Variants in AGXT2 observed in about 807,000 individuals in gnomAD.
AGXT2 encodes the protein alanine--glyoxylate aminotransferase 2, mitochondrial.
A neutral mutation model predicts 62.5 loss-of-function variants in AGXT2; 61 were observed. The ratio of observed to expected loss-of-function variants is 0.98; its 90% confidence interval spans 0.79 to 1.21. AGXT2 has a LOEUF of 1.21. AGXT2 is among the 50% of genes most tolerant of loss of function. The pLI, the probability that AGXT2 is intolerant of heterozygous loss-of-function variation, is 0.00. For missense variants in AGXT2, 666 were observed against 641.5 expected, an observed-to-expected ratio of 1.04 and a Z score of -0.41; for synonymous variants, 243 against 218.7, an observed-to-expected ratio of 1.11 and a Z score of -0.98.
chr5:35,003,919 T>C, intron 12 of AGXT2, 58 bp from the exon 13 acceptor site: 1 of 1,549,574 alleles, frequency 6.5e-7, no homozygotes, highest in Non-Finnish European at 8.9e-7. Context: ...AAAGGAATTA[T>C]TTGCAAGAGA....
intron 9 of AGXT2, among the ~76,000 whole-genome samples, chr5:35,020,460 C>G (rs1767025844): frequency 6.6e-6 from 1 of 151,996 alleles, no homozygotes. Context: ...TAAGCAGAAC[C>G]AAAGACAAAA....
At chr5:35,015,043 A>G (rs373247833) in intron 9 of AGXT2, among the ~76,000 whole-genome samples, 31 of 152,156 alleles carry the variant, frequency 2.0e-4, no homozygotes, top group African/African-American at 7.5e-4. Flanking sequence ...TTTTTTGTGC[A>G]TGCTGTTCGC....
rs372255264 is a variant in AGXT2, at chr5:35,011,040, G to A, written c.1189-891C>T. On this transcript the variant is annotated intron_variant, in intron 11 of 13. Coordinates refer to ENST00000231420, the MANE Select transcript of AGXT2 (RefSeq NM_031900.4). ...ACCTGTGGTTCTTGACAAGATACAT[G>A]AAATATACTATATTTTTATTTAGCT... Among the ~76,000 whole-genome samples the A allele has an allele frequency of 7.9e-5, 12 of 152,166 alleles. 1 individual carries two copies. In the East Asian group the frequency reaches 1.9e-3, roughly 24 times the overall value.
intron 13 of AGXT2, among the ~76,000 whole-genome samples, chr5:35,000,515 G>T (rs777584092): frequency 6.6e-6 from 1 of 152,054 alleles, no homozygotes; most frequent in Non-Finnish European, 1.5e-5. Context: ...TGAGTAGCAG[G>T]GATTACAGGT....
chr5:35,037,088 T>C (rs1767803863), intron 3 of AGXT2, 23 bp from the exon 4 acceptor site: 8 of 1,613,364 alleles, frequency 5.0e-6, no homozygotes, highest in African/African-American at 1.3e-5. Context: ...TACAGCAGAG[T>C]TACCTGCACT....
At chr5:35,047,605 C>G (rs1768293089) in intron 1 of AGXT2, among the ~76,000 whole-genome samples, 200 bp downstream of exon 1, 1 of 146,522 alleles carries the variant, frequency 6.8e-6, no homozygotes, top group South Asian at 2.3e-4. Context: ...CATTTCAAAA[C>G]AAAAAGGAGC....
At chr5:35,039,702 T>C (rs186679355) in intron 2 of AGXT2, among the ~76,000 whole-genome samples, 194 bp from the exon 3 acceptor site, 1 of 152,342 alleles carries the variant, frequency 6.6e-6, no homozygotes. Context: ...AGGTGAATTA[T>C]TATTTGTAGC....
chr5:35,012,688 T>C (rs1766689969), intron 11 of AGXT2: 1 of 454,396 alleles, frequency 2.2e-6, no homozygotes, highest in Admixed American at 3.5e-5. Flanking sequence ...AACAAAGAAA[T>C]TTCAGCTGGC....
chr5:35,025,751 C>T lies in AGXT2; in HGVS notation c.963+12G>A, dbSNP rs536847411. On this transcript the variant is annotated intron_variant, in intron 9 of 13. Coordinates refer to ENST00000231420, the MANE Select transcript of AGXT2 (RefSeq NM_031900.4). ...CCCACTGCACTCAATGGCACCCTTA[C>T]ATGCCACTTACTTCATCTGCAATGC... 2.5e-6 allele frequency: 4 copies of T among 1,613,624 alleles called. No individual in the cohort carries two copies. The South Asian group carries it at 3.3e-5, about 13-fold the overall frequency.
chr5:35,035,450 G>T, intron 4 of AGXT2, 134 bp from the exon 5 acceptor site: 1 of 740,368 alleles, frequency 1.4e-6, no homozygotes, highest in East Asian at 2.5e-5. Context: ...GGGTTACCCA[G>T]CAGTTCCATC....
rs1208487082 is a variant in AGXT2, at chr5:35,035,389, G to T, written c.487-73C>A. 3.1e-6 allele frequency: 4 copies of T among 1,296,782 alleles called. No individual in the cohort carries two copies. In the Admixed American group the frequency reaches 6.7e-5, roughly 22 times the overall value. The allele number at this position is 1,296,782 out of a possible 1,614,324, so 80.3% of individuals were successfully genotyped here. A position where few individuals can be genotyped will look rare whatever the true frequency, so the allele number is the denominator to read the frequency against. On this transcript the variant is annotated intron_variant, in intron 4 of 13. Coordinates refer to ENST00000231420, the MANE Select transcript of AGXT2 (RefSeq NM_031900.4). ...ACCCATTCACTTAAAATTGCTGAAG[G>T]GCAGGTGTCCAGCCCCTGAGTATTA...
rs1055917097 is a variant in AGXT2, at chr5:35,026,659, G to T, written c.770-149C>A. The T allele has an allele frequency of 4.1e-6, 4 of 964,686 alleles. No homozygotes were observed. The African/African-American group carries it at 5.0e-5, about 12-fold the overall frequency. The allele number at this position is 964,686 out of a possible 1,614,324, so 59.8% of individuals were successfully genotyped here. On this transcript the variant is annotated intron_variant, in intron 7 of 13. Transcript: ENST00000231420. Reference sequence around the variant, plus strand: ...ACTTCAGAATACGGTAAACTGGGGTGAGGATATGCATTTCTGAAGGGGGAA... The same window carrying T: ...ACTTCAGAATACGGTAAACTGGGGTTAGGATATGCATTTCTGAAGGGGGAA...
At chr5:35,038,427 C>T (rs1467893600) in intron 3 of AGXT2, among the ~76,000 whole-genome samples, 1 of 152,170 alleles carries the variant, frequency 6.6e-6, no homozygotes, top group Admixed American at 6.5e-5. Flanking sequence ...GTTTGTCCTA[C>T]GTTTGAAATT....
intron 12 of AGXT2, among the ~76,000 whole-genome samples, chr5:35,009,262 G>C (rs1434197834): frequency 6.6e-6 from 1 of 151,400 alleles, no homozygotes; most frequent in East Asian, 1.9e-4. Flanking sequence ...GGTTACTTGG[G>C]AGGTTGAAAT....
chr5:35,022,118 T>C (rs1767124520), intron 9 of AGXT2, among the ~76,000 whole-genome samples: 1 of 152,118 alleles, frequency 6.6e-6, no homozygotes. Flanking sequence ...ACTTTTACAC[T>C]GTTGGTGGGA....
At chr5:35,045,979 G>A (rs1052207472) in intron 1 of AGXT2, among the ~76,000 whole-genome samples, 1 of 152,030 alleles carries the variant, frequency 6.6e-6, no homozygotes, top group African/African-American at 2.4e-5. Context: ...GTGTTAGCCA[G>A]GATGGTCTCG....
intron 8 of AGXT2, 194 bp from the exon 9 acceptor site, chr5:35,026,049 T>A (rs576247053): frequency 6.4e-6 from 4 of 623,528 alleles, no homozygotes; most frequent in Non-Finnish European, 1.1e-5. Context: ...GGAAAAAAGA[T>A]GCAAACATTG....
chr5:35,025,273 G>A (rs1767287728), intron 9 of AGXT2, among the ~76,000 whole-genome samples: 1 of 152,158 alleles, frequency 6.6e-6, no homozygotes, highest in African/African-American at 2.4e-5. Context: ...CTACTCGGGA[G>A]GCTGTGGCAG....
rs540224360 is a variant in AGXT2 at position 34,998,214 on chromosome 5, A to G, written c.*505T>C. The G allele has an allele frequency of 2.8e-4, 48 of 173,222 alleles. No individual in the cohort carries two copies. The highest frequency in any genetic ancestry group is 3.8e-4 in the Non-Finnish European group (30 of 79,826). 10.7% of individuals were successfully genotyped at this position (173,222 alleles called of 1,614,324 possible). A position where few individuals can be genotyped will look rare whatever the true frequency, so the allele number is the denominator to read the frequency against. ...ATCACTAAGCACTTGGCTTCCATCC[A>G]TCTTCCAACCTCACCAAAAAGGGTT... On this transcript the variant is annotated 3_prime_UTR_variant, in exon 14 of 14. Coordinates refer to ENST00000231420, the MANE Select transcript of AGXT2 (RefSeq NM_031900.4).
Sources: allele counts gnomAD v4.1 joint callset (sites outside exome capture counted in the v4.1 genomes callset), GRCh38; gene constraint gnomAD v4.1.1; transcripts MANE v1.5; gene names NCBI Gene and HGNC (gene_info 2026-07-23, HGNC 2026-07-21).